Variants in RBBP8 observed in about 807,000 individuals in gnomAD.
RBBP8 encodes DNA endonuclease RBBP8.
RBBP8 carries 88 observed loss-of-function variants against 108.3 expected under a neutral mutation model. The ratio of observed to expected loss-of-function variants is 0.81; its 90% CI spans 0.68 to 0.97. The LOEUF (loss-of-function observed/expected upper bound fraction) is 0.97, where lower values mean the gene tolerates loss of function less well. Ranked by LOEUF, RBBP8 falls within the 50% of genes least tolerant of loss-of-function variation. RBBP8 has a pLI of 0.00. For synonymous variants in RBBP8, 332 were observed against 348.2 expected (o/e 0.95, Z 0.52); for missense variants, 1,023 against 1,049.0 (o/e 0.98, Z 0.34).
At chr18:22,992,662 A>G in intron 10 of RBBP8, 86 bp from the exon 11 acceptor site, 1 of 1,166,826 alleles carries the variant, frequency 8.6e-7, no homozygotes, top group Non-Finnish European at 1.2e-6. Flanking sequence ...CTTGTCTTAA[A>G]TTTTGGTTAA....
rs1915848484 is a variant in RBBP8, at chr18:22,993,466, A to G, written c.1639A>G (p.Lys547Glu). ...KASDGNCTLP[K>E]DSPGEPCSQE... ...CTCAGATGGCAACTGCACGTTGCCC[A>G]AAGATTCCCCAGGGGAGCCCTGTTC... The change falls in exon 11 of 19, where the codon AAA becomes GAA. Residue 547 changes from lysine to glutamate, a missense_variant. Transcript: ENST00000327155. 6.2e-7 allele frequency: 1 copy of G among 1,614,262 alleles called. No individual in the cohort carries two copies. Among genetic ancestry groups the G allele is most frequent in the Admixed American group, 1.7e-5 (1 of 60,032 alleles).
intron 16 of RBBP8, among the ~76,000 whole-genome samples, chr18:23,010,660 A>C (rs1490173329): frequency 3.9e-5 from 6 of 152,190 alleles, no homozygotes; most frequent in Admixed American, 2.6e-4. Flanking sequence ...TTTTTTAGAA[A>C]ATATGTATGA....
At chr18:23,020,986 T>C (rs1359899745) in intron 17 of RBBP8, among the ~76,000 whole-genome samples, 1 of 152,214 alleles carries the variant, frequency 6.6e-6, no homozygotes, top group Non-Finnish European at 1.5e-5. Context: ...CTGTGTAAAA[T>C]AGAAATGTAT....
intron 18 of RBBP8, among the ~76,000 whole-genome samples, chr18:23,025,563 C>A (rs536481432): frequency 1.3e-5 from 2 of 152,280 alleles, no homozygotes; most frequent in Non-Finnish European, 2.9e-5. Flanking sequence ...GCAAATACTT[C>A]CCCTGAAGAT....
chr18:22,963,608 G>T (rs946804098), intron 4 of RBBP8, among the ~76,000 whole-genome samples: 1 of 152,096 alleles, frequency 6.6e-6, no homozygotes, highest in African/African-American at 2.4e-5. Flanking sequence ...TACCTGCTAC[G>T]TAGTGGTCAT....
chr18:23,020,637 A>G (rs2046333591), intron 17 of RBBP8, among the ~76,000 whole-genome samples: 1 of 151,398 alleles, frequency 6.6e-6, no homozygotes, highest in African/African-American at 2.4e-5. Context: ...AAATCATGTC[A>G]TTCCCAGAAT....
intron 17 of RBBP8, among the ~76,000 whole-genome samples, chr18:23,017,433 C>G (rs554421931): frequency 1.3e-5 from 2 of 150,960 alleles, no homozygotes; most frequent in South Asian, 2.1e-4. Context: ...GCGGGCGGAT[C>G]ACGAGGTAAG....
At chr18:22,985,932 T>C (rs1015276748) in intron 8 of RBBP8, among the ~76,000 whole-genome samples, 1 of 152,092 alleles carries the variant, frequency 6.6e-6, no homozygotes, top group Non-Finnish European at 1.5e-5. Context: ...TGTAAAGTCA[T>C]GATTTTCAAC....
upstream of RBBP8, among the ~76,000 whole-genome samples, chr18:22,931,539 A>G (rs940142142): frequency 3.9e-5 from 6 of 152,204 alleles, no homozygotes; most frequent in African/African-American, 1.2e-4. Context: ...TTATCCTTTA[A>G]AAATGCTTTT....
At chr18:22,917,709 A>G (rs887004411) in intron 3 of RBBP8, among the ~76,000 whole-genome samples, 1 of 152,162 alleles carries the variant, frequency 6.6e-6, no homozygotes, top group Non-Finnish European at 1.5e-5. Context: ...GCATTAAGAT[A>G]TAATGTTGGG....
At position 23,026,182 on chromosome 18, in the gene RBBP8, A is replaced by G. The variant is rs1395784750; in HGVS notation, c.2636A>G (p.Lys879Arg). ...GATCTTGATCCTTGTCCTCGTCCAAAAAGACGTCAGCCTTACAACGCAATA... is the reference window on the plus strand; with the variant it reads ...GATCTTGATCCTTGTCCTCGTCCAAGAAGACGTCAGCCTTACAACGCAATA... ...KEDLDPCPRPKRRQPYNAIFS... is the reference protein window; with the variant it reads ...KEDLDPCPRPRRRQPYNAIFS... The change falls in exon 19 of 19, where the codon AAA (lysine) becomes AGA (arginine). Residue 879 changes from lysine (K) to arginine (R), a missense_variant. Physicochemically the swap from Lys to Arg is conservative, Grantham distance 26. Transcript: ENST00000327155. 5.6e-6 allele frequency: 9 copies of G among 1,613,904 alleles called. No individual in the cohort carries two copies. Among genetic ancestry groups the G allele is most frequent in the Non-Finnish European group, 7.6e-6 (9 of 1,179,850 alleles).
chr18:22,999,097 T>G (rs2045905496), intron 14 of RBBP8, among the ~76,000 whole-genome samples: 3 of 152,312 alleles, frequency 2.0e-5, no homozygotes, highest in Non-Finnish European at 2.9e-5. Flanking sequence ...GATGCAAGTA[T>G]CATGTGAAAG....
At chr18:23,014,391 A>C (rs897584569) in intron 16 of RBBP8, among the ~76,000 whole-genome samples, 1 of 152,206 alleles carries the variant, frequency 6.6e-6, no homozygotes, top group African/African-American at 2.4e-5. Flanking sequence ...AGGATTCACC[A>C]TTCCAGATGA....
rs1291558585 is a variant in RBBP8, at chr18:22,987,393, C to T, written c.710-1828C>T. ...TGGAACTGATTCTGACTGTAAACGT[C>T]GTCAGTGTTGCTCTTCTCCAAAATA... On this transcript the variant is annotated intron_variant, in intron 8 of 18. Transcript: ENST00000327155. Among the ~76,000 whole-genome samples, 4 of 152,154 alleles carry T rather than the reference C, an allele frequency of 2.6e-5. No individual in the cohort carries two copies. The East Asian group carries it at 5.8e-4, about 22-fold the overall frequency.
chr18:22,978,510 G>T (rs8095114), intron 6 of RBBP8, among the ~76,000 whole-genome samples: 148,210 of 151,308 alleles, frequency 0.98, 72,592 homozygotes, highest in Non-Finnish European at 1. Context: ...AGTTTTGTTT[G>T]TTTTTTTGTT....
chr18:22,959,734 G>T (rs559073619), intron 4 of RBBP8, among the ~76,000 whole-genome samples: 12 of 150,728 alleles, frequency 8.0e-5, no homozygotes, highest in African/African-American at 2.5e-4. Context: ...GTGTGTGTGT[G>T]TTTGTGTGTG....
intron 15 of RBBP8, 76 bp from the exon 16 acceptor site, chr18:23,006,287 C>A: frequency 7.5e-7 from 1 of 1,324,612 alleles, no homozygotes; most frequent in Non-Finnish European, 1.1e-6. Flanking sequence ...GAGTGCGTGT[C>A]ATTTTCTTCC....
intron 4 of RBBP8, among the ~76,000 whole-genome samples, chr18:22,950,770 T>G (rs897167347): frequency 2.6e-5 from 4 of 152,040 alleles, no homozygotes; most frequent in African/African-American, 9.7e-5. Flanking sequence ...AAATTAAAAA[T>G]TAGCCAGGCA....
chr18:23,007,209 T>C (rs1004523193), intron 16 of RBBP8, among the ~76,000 whole-genome samples: 2 of 151,360 alleles, frequency 1.3e-5, no homozygotes, highest in Admixed American at 6.6e-5. Flanking sequence ...TTATTAGAGA[T>C]GGGATTTCAC....
Sources: allele counts gnomAD v4.1 joint callset (sites outside exome capture counted in the v4.1 genomes callset), GRCh38; gene constraint gnomAD v4.1.1; transcripts MANE v1.5; gene names NCBI Gene and HGNC (gene_info 2026-07-23, HGNC 2026-07-21).